TAS2R20: variants seen among roughly 807,000 people sequenced by gnomAD.
TAS2R20 encodes taste 2 receptor member 20.
For missense variants in TAS2R20, 364 were observed against 352.2 expected, an observed-to-expected ratio of 1.03 and a Z score of -0.27; for synonymous variants, 136 against 127.1, an observed-to-expected ratio of 1.07 and a Z score of -0.47.
At chr12:10,997,719 C>CT in the TAS2R20 span, 4 of 1,613,870 alleles carry the variant, frequency 2.5e-6, no homozygotes, top group Admixed American at 5.0e-5. Flanking sequence ...ACTCTGGAGA[C>CT]TGCCAGAGCA....
At position 10,996,871 on chromosome 12, in the gene TAS2R20, G is replaced by C. The variant is rs1565533644; in HGVS notation, c.*75C>G. 7.0e-7 allele frequency: 1 copy of C among 1,422,112 alleles called. No individual in the cohort carries two copies. The highest frequency in any genetic ancestry group is 2.3e-5 in the East Asian group (1 of 43,078). 88.1% of individuals were successfully genotyped at this position (1,422,112 alleles called of 1,614,324 possible). A position where few individuals can be genotyped will look rare whatever the true frequency, so the allele number is the denominator to read the frequency against. On this transcript the variant is annotated 3_prime_UTR_variant, in exon 1 of 1. Transcript: ENST00000538986. ...AAATACATAGACTACGGAAAAACTT[G>C]TGGGAAATATAAAATGTTCCAGACA...
chr12:10,996,912 C>T lies in TAS2R20; in HGVS notation c.*34G>A. The T allele has an allele frequency of 6.5e-7, 1 of 1,532,446 alleles. No individual in the cohort carries two copies. Among genetic ancestry groups the T allele is most frequent in the East Asian group, 2.3e-5 (1 of 43,908 alleles). The allele number at this position is 1,532,446 out of a possible 1,614,324, so 94.9% of individuals were successfully genotyped here. On this transcript the variant is annotated 3_prime_UTR_variant, in exon 1 of 1. Coordinates refer to ENST00000538986, the MANE Select transcript of TAS2R20 (RefSeq NM_176889.4). ...GTTCCAGACACCATCAATTTGTTTTCTGCTAGAAAACACACAATGCACCTC... is the reference window on the plus strand; with the variant it reads ...GTTCCAGACACCATCAATTTGTTTTTTGCTAGAAAACACACAATGCACCTC...
Position 10,997,431 on chromosome 12 carries a change from T to A in TAS2R20, c.445A>T (p.Thr149Ser), listed in dbSNP as rs145545406. The A allele has an allele frequency of 2.9e-5, 47 of 1,613,946 alleles. No homozygotes were observed. The highest frequency in any genetic ancestry group is 4.0e-5 in the Non-Finnish European group (47 of 1,179,988). Residue 149 changes from threonine to serine, a missense_variant, in exon 1 of 1, where the codon ACG (threonine) becomes TCG (serine). Physicochemically the swap from Thr to Ser is moderately conservative, Grantham distance 58. Transcript: ENST00000538986. ...FLVCHLVMKHTYINVWTEECE... is the reference protein window; with the variant it reads ...FLVCHLVMKHSYINVWTEECE... ...TCTTCTGTCCACACATTTATATACG[T>A]GTGTTTCATCACAAGGTGACAAACC...
rs1037007756 is a variant in TAS2R20 at position 10,996,143 on chromosome 12, C to T, written c.*803G>A. On this transcript the variant is annotated 3_prime_UTR_variant, in exon 1 of 1. Coordinates refer to ENST00000538986, the MANE Select transcript of TAS2R20 (RefSeq NM_176889.4). ...CCAGCCTGGCCAGCATGGTGAAACC[C>T]CATCTCTACTAAAAAAAAAAAGAAA... is the stretch of plus-strand genomic sequence containing the variant. 6.6e-6 allele frequency among the ~76,000 whole-genome samples: 1 copy of T among 151,408 alleles called. No homozygotes were observed. Among genetic ancestry groups the T allele is most frequent in the African/African-American group, 2.4e-5 (1 of 41,224 alleles).
chr12:10,996,780 T>C lies in TAS2R20; in HGVS notation c.*166A>G, dbSNP rs1940265281. 4 of 444,730 alleles carry C rather than the reference T, an allele frequency of 9.0e-6. No homozygotes were observed. The highest frequency in any genetic ancestry group is 6.1e-5 in the African/African-American group (3 of 49,330). The allele number at this position is 444,730 out of a possible 1,614,324, so 27.5% of individuals were successfully genotyped here. ...CACACACACGCAAATGTATATTATA[T>C]ATATATACTTTTATATAATAAACTT... On this transcript the variant is annotated 3_prime_UTR_variant, in exon 1 of 1. Coordinates refer to ENST00000538986, the MANE Select transcript of TAS2R20 (RefSeq NM_176889.4).
chr12:10,997,696 C>A lies in TAS2R20; in HGVS notation c.180G>T (p.Trp60Cys). The A allele has an allele frequency of 6.2e-7, 1 of 1,613,738 alleles. No individual in the cohort carries two copies. Among genetic ancestry groups the A allele is most frequent in the Middle Eastern group, 1.7e-4 (1 of 6,032 alleles). Residue 60 changes from tryptophan (W) to cysteine (C), a missense_variant, in exon 1 of 1, where the codon TGG becomes TGT. Trp to Cys is a radical substitution (Grantham distance 215). Coordinates refer to ENST00000538986, the MANE Select transcript of TAS2R20 (RefSeq NM_176889.4). Reference sequence around the variant, plus strand: ...TTGAATACCAATGTAATAATATTACCCAGAGCAAACCAACTCTGGAGACTG... The same window carrying A: ...TTGAATACCAATGTAATAATATTACACAGAGCAAACCAACTCTGGAGACTG... ...ALAVSRVGLL[W>C]VILLHWYSTV...
chr12:10,997,917 A>G lies in TAS2R20; in HGVS notation c.-42T>C, dbSNP rs1273322463. Reference sequence around the variant, plus strand: ...AAGTAAAAAATTCAGGCCTAATGTCACTGATGGTGACTCCTCTGATATTCA... The same window carrying G: ...AAGTAAAAAATTCAGGCCTAATGTCGCTGATGGTGACTCCTCTGATATTCA... On this transcript the variant is annotated 5_prime_UTR_variant, in exon 1 of 1. Transcript: ENST00000538986. 1 of 1,265,930 alleles carries G rather than the reference A, an allele frequency of 7.9e-7. No homozygotes were observed. Among genetic ancestry groups the G allele is most frequent in the Non-Finnish European group, 1.1e-6 (1 of 911,406 alleles). The allele number at this position is 1,265,930 out of a possible 1,614,324, so 78.4% of individuals were successfully genotyped here. A position where few individuals can be genotyped will look rare whatever the true frequency, so the allele number is the denominator to read the frequency against.
In TAS2R20 at chr12:10,997,503, C is replaced by T. The variant is rs999501185; in HGVS notation, c.373G>A (p.Ala125Thr). The change falls in exon 1 of 1, where the codon GCT becomes ACT. Residue 125 changes from alanine to threonine, a missense_variant. By Grantham distance (58) the Ala-to-Thr change is moderately conservative. Transcript: ENST00000538986. ...RLIFHHLKRK[A>T]KSVVLVIVLG... ...ACTATCACCAGAACTACACTCTTAG[C>T]CTTCCTTTTTAAGTGATGAAAAATA... 1.9e-6 allele frequency: 3 copies of T among 1,613,780 alleles called. No homozygotes were observed. The African/African-American group carries it at 4.0e-5, about 22-fold the overall frequency.
Position 10,997,913 on chromosome 12 carries a change from T to G in TAS2R20, c.-38A>C. 3.6e-6 allele frequency: 5 copies of G among 1,386,368 alleles called. No individual in the cohort carries two copies. The highest frequency in any genetic ancestry group is 4.9e-6 in the Non-Finnish European group (5 of 1,012,926). 85.9% of individuals were successfully genotyped at this position (1,386,368 alleles called of 1,614,324 possible). ...AAGCAAGTAAAAAATTCAGGCCTAA[T>G]GTCACTGATGGTGACTCCTCTGATA... On this transcript the variant is annotated 5_prime_UTR_variant, in exon 1 of 1. Coordinates refer to ENST00000538986, the MANE Select transcript of TAS2R20 (RefSeq NM_176889.4).
Position 10,996,830 on chromosome 12 carries a change from C to G in TAS2R20, c.*116G>C. 1 of 946,160 alleles carries G rather than the reference C, an allele frequency of 1.1e-6. No individual in the cohort carries two copies. The highest frequency in any genetic ancestry group is 1.6e-5 in the African/African-American group (1 of 60,734). The allele number at this position is 946,160 out of a possible 1,614,324, so 58.6% of individuals were successfully genotyped here. On this transcript the variant is annotated 3_prime_UTR_variant, in exon 1 of 1. Transcript: ENST00000538986. ...TAGGTAAAAGACTTTTCTATGTCAACTTTTGGAAATTACTCAAATACATAG... is the reference window on the plus strand; with the variant it reads ...TAGGTAAAAGACTTTTCTATGTCAAGTTTTGGAAATTACTCAAATACATAG...
Position 10,997,998 on chromosome 12 carries a change from C to G in TAS2R20, c.-123G>C. Reference sequence around the variant, plus strand: ...TGAATGTCCAATAACATTCTTTATACTTTTAAATTCTGTGAACAATGTCAA... The same window carrying G: ...TGAATGTCCAATAACATTCTTTATAGTTTTAAATTCTGTGAACAATGTCAA... On this transcript the variant is annotated 5_prime_UTR_variant, in exon 1 of 1. Coordinates refer to ENST00000538986, the MANE Select transcript of TAS2R20 (RefSeq NM_176889.4). 1 of 633,826 alleles carries G rather than the reference C, an allele frequency of 1.6e-6. No individual in the cohort carries two copies. Among genetic ancestry groups the G allele is most frequent in the Admixed American group, 3.3e-5 (1 of 30,334 alleles). 39.3% of individuals were successfully genotyped at this position (633,826 alleles called of 1,614,324 possible).
Position 10,997,928 on chromosome 12 carries a change from C to G in TAS2R20, c.-53G>C. ...TCAGGCCTAATGTCACTGATGGTGA[C>G]TCCTCTGATATTCAAGACTTTAAGT... On this transcript the variant is annotated 5_prime_UTR_variant, in exon 1 of 1. Coordinates refer to ENST00000538986, the MANE Select transcript of TAS2R20 (RefSeq NM_176889.4). 2 of 1,189,366 alleles carry G rather than the reference C, an allele frequency of 1.7e-6. No individual in the cohort carries two copies. The highest frequency in any genetic ancestry group is 2.4e-6 in the Non-Finnish European group (2 of 850,550). 73.7% of individuals were successfully genotyped at this position (1,189,366 alleles called of 1,614,324 possible). A position where few individuals can be genotyped will look rare whatever the true frequency, so the allele number is the denominator to read the frequency against.
At chr12:10,997,853 A>AC in the TAS2R20 span, 2 of 1,602,312 alleles carry the variant, frequency 1.2e-6, no homozygotes, top group Non-Finnish European at 1.7e-6. Flanking sequence ...AATGGAAAAA[A>AC]CAATGTGTAG....
chr12:10,997,472 C>A lies in TAS2R20; in HGVS notation c.404G>T (p.Gly135Val). 1 of 1,613,644 alleles carries A rather than the reference C, an allele frequency of 6.2e-7. No homozygotes were observed. The highest frequency in any genetic ancestry group is 8.5e-7 in the Non-Finnish European group (1 of 1,179,902). ...GTGACAAACCAAAAAGAACAAAGAC[C>A]CCAACACTATCACCAGAACTACACT... ...AKSVVLVIVLGSLFFLVCHLV... is the reference protein window; with the variant it reads ...AKSVVLVIVLVSLFFLVCHLV... The change falls in exon 1 of 1, where the codon GGG (glycine) becomes GTG (valine). Residue 135 changes from glycine (G) to valine (V), a missense_variant. Coordinates refer to ENST00000538986, the MANE Select transcript of TAS2R20 (RefSeq NM_176889.4).
chr12:10,997,744 A>G lies in TAS2R20; in HGVS notation c.132T>C (p.Ala44=). The part of the protein sequence containing the change: ...AWVKRQKISS[A]DQIIAALAVS... ...CTGCCAGAGCAGCAATAATTTGATC[A>G]GCTGAGGAGATCTTTTGTCTCTTGA... Residue 44 remains alanine (A), a synonymous_variant, in exon 1 of 1, where the codon GCT becomes GCC. Coordinates refer to ENST00000538986, the MANE Select transcript of TAS2R20 (RefSeq NM_176889.4). 1.2e-6 allele frequency: 2 copies of G among 1,613,986 alleles called. No homozygotes were observed. Among genetic ancestry groups the G allele is most frequent in the Admixed American group, 1.7e-5 (1 of 59,968 alleles).
Position 10,997,192 on chromosome 12 carries a change from C to A in TAS2R20, c.684G>T (p.Leu228=), listed in dbSNP as rs760279498. The change falls in exon 1 of 1, where the codon CTG becomes CTT. Residue 228 remains leucine (L), a synonymous_variant. Coordinates refer to ENST00000538986, the MANE Select transcript of TAS2R20 (RefSeq NM_176889.4). ...DPSTKIHIKA[L]QTVTSFLILL... Reference sequence around the variant, plus strand: ...ATATGAGGAAGGAGGTCACAGTTTGCAGAGCTTTTATGTGGATCTTGGTGC... The same window carrying A: ...ATATGAGGAAGGAGGTCACAGTTTGAAGAGCTTTTATGTGGATCTTGGTGC... 2 of 1,614,030 alleles carry A rather than the reference C, an allele frequency of 1.2e-6. No homozygotes were observed. Among genetic ancestry groups the A allele is most frequent in the South Asian group, 2.2e-5 (2 of 91,068 alleles).
chr12:10,997,401 C>A, the TAS2R20 span: 1 of 1,614,122 alleles, frequency 6.2e-7, no homozygotes, highest in African/African-American at 1.3e-5. Flanking sequence ...ACGTTTCCTT[C>A]ACATTCTTCT....
chr12:10,997,918 C>T lies in TAS2R20; in HGVS notation c.-43G>A, dbSNP rs1039417838. On this transcript the variant is annotated 5_prime_UTR_variant, in exon 1 of 1. The change creates a new upstream start codon in the 5' untranslated region. Coordinates refer to ENST00000538986, the MANE Select transcript of TAS2R20 (RefSeq NM_176889.4). ...AGTAAAAAATTCAGGCCTAATGTCA[C>T]TGATGGTGACTCCTCTGATATTCAA... 7.9e-7 allele frequency: 1 copy of T among 1,268,852 alleles called. No homozygotes were observed. Among genetic ancestry groups the T allele is most frequent in the African/African-American group, 1.5e-5 (1 of 67,290 alleles). 78.6% of individuals were successfully genotyped at this position (1,268,852 alleles called of 1,614,324 possible).
rs1445291780 is a variant in TAS2R20, at chr12:10,997,393, G to T, written c.483C>A (p.Asn161Lys). Reference sequence around the variant, plus strand: ...TCCTCAGTTTGATCTTCCAAGTTACGTTTCCTTCACATTCTTCTGTCCACA... The same window carrying T: ...TCCTCAGTTTGATCTTCCAAGTTACTTTTCCTTCACATTCTTCTGTCCACA... Reference protein sequence around the residue: ...INVWTEECEGNVTWKIKLRNA... With the variant: ...INVWTEECEGKVTWKIKLRNA... Residue 161 changes from asparagine (N) to lysine (K), a missense_variant, in exon 1 of 1, where the codon AAC becomes AAA. Coordinates refer to ENST00000538986, the MANE Select transcript of TAS2R20 (RefSeq NM_176889.4). 6.2e-7 allele frequency: 1 copy of T among 1,613,964 alleles called. No individual in the cohort carries two copies. The highest frequency in any genetic ancestry group is 1.3e-5 in the African/African-American group (1 of 74,918).
Sources: gnomAD v4.1 joint callset for allele counts (sites outside exome capture counted in the v4.1 genomes callset) on GRCh38, gnomAD v4.1.1 for gene constraint, MANE v1.5 for transcripts, NCBI Gene and HGNC (gene_info 2026-07-23, HGNC 2026-07-21) for gene names.